Variants in MYH8 observed in about 807,000 individuals in gnomAD.
MYH8 encodes the protein myosin-8.
In MYH8, 168 loss-of-function variants were observed where a neutral mutation model predicts 233.2. The ratio of observed to expected loss-of-function variants is 0.72; its 90% CI spans 0.64 to 0.82. The LOEUF (loss-of-function observed/expected upper bound fraction) is 0.82, where lower values mean the gene tolerates loss of function less well. MYH8 is among the 40% of genes least tolerant of loss of function. MYH8 has a pLI of 0.00. For missense variants in MYH8, 1,995 were observed against 2,327.8 expected (o/e 0.86, Z 2.94); for synonymous variants, 785 against 850.6 (o/e 0.92, Z 1.34).
chr17:10,416,918 T>G (rs1051172988), intron 5 of MYH8, among the ~76,000 whole-genome samples: 4 of 152,240 alleles, frequency 2.6e-5, no homozygotes, highest in Admixed American at 1.3e-4. Context: ...TCTTAGAAAT[T>G]GCTTAGGCCA....
At chr17:10,412,836 T>A in intron 12 of MYH8, 108 bp from the exon 13 acceptor site, 1 of 1,138,902 alleles carries the variant, frequency 8.8e-7, no homozygotes, top group Non-Finnish European at 1.3e-6. Context: ...AAAGCTTAAA[T>A]AATTCTATAA....
At chr17:10,402,504 G>A (rs759404609) in intron 22 of MYH8, among the ~76,000 whole-genome samples, 7 of 151,936 alleles carry the variant, frequency 4.6e-5, no homozygotes, top group East Asian at 1.9e-4. Context: ...TAAACTTACC[G>A]AATAGCTGTA....
intron 39 of MYH8, 42 bp downstream of exon 39, chr17:10,391,840 A>G: frequency 6.5e-7 from 1 of 1,530,146 alleles, no homozygotes; most frequent in Non-Finnish European, 9.1e-7. Context: ...TTCTACTGCA[A>G]AAGAAATTTC....
At chr17:10,407,650 G>T (rs1216104567) in intron 17 of MYH8, among the ~76,000 whole-genome samples, 1 of 151,822 alleles carries the variant, frequency 6.6e-6, no homozygotes, top group Non-Finnish European at 1.5e-5. Context: ...ACCAGCCTGG[G>T]CAACGTAGTG....
At chr17:10,421,417 G>C (rs1247203287) in intron 2 of MYH8, among the ~76,000 whole-genome samples, 4 of 152,154 alleles carry the variant, frequency 2.6e-5, no homozygotes, top group Non-Finnish European at 4.4e-5. Flanking sequence ...GCACAGCTGA[G>C]AACTCACTGT....
chr17:10,404,632 A>G (rs1394095723), intron 21 of MYH8, 47 bp from the exon 22 acceptor site: 1 of 1,610,228 alleles, frequency 6.2e-7, no homozygotes, highest in African/African-American at 1.3e-5. Flanking sequence ...ATCAGAGCCA[A>G]TGTTATTGTT....
chr17:10,412,188 A>G (rs1015751431), intron 14 of MYH8, among the ~76,000 whole-genome samples, 182 bp downstream of exon 14: 1 of 152,240 alleles, frequency 6.6e-6, no homozygotes, highest in Non-Finnish European at 1.5e-5. Flanking sequence ...CTGCTGGCCC[A>G]GTGAGCGTTA....
At chr17:10,411,292 C>T (rs1428839632) in intron 14 of MYH8, among the ~76,000 whole-genome samples, 1 of 151,678 alleles carries the variant, frequency 6.6e-6, no homozygotes, top group Admixed American at 6.6e-5. Context: ...AGGAAAATTG[C>T]TTGAACCCTG....
In MYH8 at chr17:10,396,898, G is replaced by T. The variant is rs777070777; in HGVS notation, c.4267C>A (p.Arg1423=). 1.9e-6 allele frequency: 3 copies of T among 1,614,116 alleles called. No homozygotes were observed. Among genetic ancestry groups the T allele is most frequent in the Non-Finnish European group, 2.5e-6 (3 of 1,180,034 alleles). ...KCASLEKTKQ[R]LQNEVEDLML... ...AGGTCTTCAACTTCATTCTGGAGCCGCTGCTTCGTCTTCTCAAGGGAAGCA... is the reference window on the plus strand; with the variant it reads ...AGGTCTTCAACTTCATTCTGGAGCCTCTGCTTCGTCTTCTCAAGGGAAGCA... Residue 1423 remains arginine (R), a synonymous_variant, in exon 31 of 40, where the codon CGG becomes AGG. Coordinates refer to ENST00000403437, the MANE Select transcript of MYH8 (RefSeq NM_002472.3). The surrounding 1 kb of genome is among the most constrained non-coding windows in gnomAD (Gnocchi z 4.2).
Position 10,395,343 on chromosome 17 carries a change from C to T in MYH8, c.4752G>A (p.Glu1584=), listed in dbSNP as rs1305766123. The T allele has an allele frequency of 1.9e-6, 3 of 1,614,164 alleles. No homozygotes were observed. In the East Asian group the frequency reaches 6.7e-5, roughly 36 times the overall value. ...EVDRKIAEKD[E]EIDQLKRNHT... ...GGTTTCTCTTCAGCTGGTCAATTTC[C>T]TCATCCTTTTCTGCGATTTTTCTAT... The change falls in exon 34 of 40, where the codon GAG becomes GAA. Residue 1584 remains glutamate, a synonymous_variant. Coordinates refer to ENST00000403437, the MANE Select transcript of MYH8 (RefSeq NM_002472.3).
chr17:10,404,200 A>G, intron 22 of MYH8, 130 bp downstream of exon 22: 1 of 1,115,798 alleles, frequency 9.0e-7, no homozygotes. Context: ...GAATACTAAA[A>G]GATAAATGAG....
Position 10,415,042 on chromosome 17 carries a change from A to G in MYH8, c.805+74T>C. ...CCTTTTAACAGGCTTCATGCACAGC[A>G]AGGGTGGCAAAATATCCCTGCAAAT... On this transcript the variant is annotated intron_variant, in intron 9 of 39. Coordinates refer to ENST00000403437, the MANE Select transcript of MYH8 (RefSeq NM_002472.3). This position sits in a 1 kb window ranked among gnomAD's most constrained non-coding sequence, Gnocchi z 4.1. 3 of 1,406,506 alleles carry G rather than the reference A, an allele frequency of 2.1e-6. No homozygotes were observed. The highest frequency in any genetic ancestry group is 3.0e-6 in the Non-Finnish European group (3 of 991,426). 87.1% of individuals were successfully genotyped at this position (1,406,506 alleles called of 1,614,324 possible). A position where few individuals can be genotyped will look rare whatever the true frequency, so the allele number is the denominator to read the frequency against.
chr17:10,401,866 G>A (rs2072146815), intron 22 of MYH8, 81 bp from the exon 23 acceptor site: 2 of 1,559,456 alleles, frequency 1.3e-6, no homozygotes, highest in African/African-American at 2.7e-5. Flanking sequence ...AAATAATAGT[G>A]TTTTATTGAA....
chr17:10,420,894 A>G (rs867868389), intron 2 of MYH8, among the ~76,000 whole-genome samples: 1 of 152,192 alleles, frequency 6.6e-6, no homozygotes, highest in African/African-American at 2.4e-5. Context: ...CTTTTTTGAC[A>G]TGAGAGATTT....
At chr17:10,413,386 A>G (rs1013455178) in intron 12 of MYH8, among the ~76,000 whole-genome samples, 3 of 152,216 alleles carry the variant, frequency 2.0e-5, no homozygotes, top group Non-Finnish European at 2.9e-5. Context: ...TGCTCTTTCC[A>G]TACGTAGAAT....
At chr17:10,406,546 T>C (rs944690997) in intron 19 of MYH8, 144 bp downstream of exon 19, 3 of 1,380,186 alleles carry the variant, frequency 2.2e-6, no homozygotes, top group Middle Eastern at 1.9e-4. Flanking sequence ...TAAAACAATA[T>C]GATTTTCTGT....
In MYH8 at chr17:10,405,918, G is replaced by C. The variant is rs770478501; in HGVS notation, c.2432+123C>G. The C allele has an allele frequency of 3.4e-6, 4 of 1,189,114 alleles. No homozygotes were observed. The South Asian group carries it at 3.7e-5, about 11-fold the overall frequency. The allele number at this position is 1,189,114 out of a possible 1,614,324, so 73.7% of individuals were successfully genotyped here. A position where few individuals can be genotyped will look rare whatever the true frequency, so the allele number is the denominator to read the frequency against. Reference sequence around the variant, plus strand: ...TGAAGCAAAGGCTGCTGTGTTGTAGGAGTGAGTTCTGAATTGGGTGAGAGG... The same window carrying C: ...TGAAGCAAAGGCTGCTGTGTTGTAGCAGTGAGTTCTGAATTGGGTGAGAGG... On this transcript the variant is annotated intron_variant, in intron 21 of 39. Coordinates refer to ENST00000403437, the MANE Select transcript of MYH8 (RefSeq NM_002472.3).
chr17:10,405,211 T>C (rs761932353), intron 21 of MYH8, among the ~76,000 whole-genome samples: 7 of 152,226 alleles, frequency 4.6e-5, no homozygotes, highest in Admixed American at 6.5e-5. Flanking sequence ...AACTGATTAA[T>C]TGGATTGTTA....
intron 12 of MYH8, 81 bp from the exon 13 acceptor site, chr17:10,412,809 A>G: frequency 2.4e-6 from 3 of 1,247,218 alleles, no homozygotes; most frequent in Non-Finnish European, 3.5e-6. Flanking sequence ...CTCCAATTCA[A>G]TCTATTATTT....
Sources: gnomAD v4.1 joint callset for allele counts (sites outside exome capture counted in the v4.1 genomes callset) on GRCh38, gnomAD v4.1.1 for gene constraint, Gnocchi (gnomAD v3.1) non-coding constraint, MANE v1.5 for transcripts, NCBI Gene and HGNC (gene_info 2026-07-23, HGNC 2026-07-21) for gene names.